Variants in UGT1A7 observed in about 807,000 individuals in gnomAD.
UGT1A7 encodes UDP glucuronosyltransferase family 1 member A7.
A neutral mutation model predicts 45.6 loss-of-function variants in UGT1A7; 33 were observed. The observed-to-expected ratio is 0.72, with a 90% CI of 0.55 to 0.97. The LOEUF is 0.97. Ranked by LOEUF, UGT1A7 falls within the 50% of genes least tolerant of loss-of-function variation. The probability of loss-of-function intolerance (pLI) is 0.00; values close to 1 mark genes in which losing one functional copy is unlikely to be tolerated. For synonymous variants in UGT1A7, 274 were observed against 250.6 expected, an observed-to-expected ratio of 1.09 and a Z score of -0.88; for missense variants, 684 against 666.2, an observed-to-expected ratio of 1.03 and a Z score of -0.29.
At chr2:233,760,854 A>G (rs1484529222) in intron 1 of UGT1A7, 1 of 1,613,796 alleles carries the variant, frequency 6.2e-7, no homozygotes, top group Non-Finnish European at 8.5e-7. Context: ...GCCCCAACCC[A>G]TTCTCCTACG....
In UGT1A7 at chr2:233,766,921, C is replaced by T. The variant is rs6708136; in HGVS notation, c.856-113C>T. 45,255 of 1,558,610 alleles carry T rather than the reference C, an allele frequency of 0.029. 712 individuals are homozygous for T. The highest frequency in any genetic ancestry group is 0.049 in the African/African-American group (3,601 of 72,856). Reference sequence around the variant, plus strand: ...ATAATTTTTTACTCTATCTCAAACACGCATGCCTTTAATCATAGTCTTAAG... The same window carrying T: ...ATAATTTTTTACTCTATCTCAAACATGCATGCCTTTAATCATAGTCTTAAG... On this transcript the variant is annotated intron_variant, in intron 1 of 4. Coordinates refer to ENST00000373426, the MANE Select transcript of UGT1A7 (RefSeq NM_019077.3).
chr2:233,767,880 C>G lies in UGT1A7; in HGVS notation c.1019C>G (p.Ser340Trp), dbSNP rs144978321. Reference sequence around the variant, plus strand: ...TGGCGGTACACTGGAACCCGACCATCGAATCTTGCGAACAACACGATACTT... The same window carrying G: ...TGGCGGTACACTGGAACCCGACCATGGAATCTTGCGAACAACACGATACTT... Reference protein sequence around the residue: ...VLWRYTGTRPSNLANNTILVK... With the variant: ...VLWRYTGTRPWNLANNTILVK... Residue 340 changes from serine to tryptophan, a missense_variant, in exon 3 of 5, where the codon TCG becomes TGG. By Grantham distance (177) the Ser-to-Trp change is radical. Transcript: ENST00000373426. 6.2e-7 allele frequency: 1 copy of G among 1,614,168 alleles called. No individual in the cohort carries two copies. The highest frequency in any genetic ancestry group is 1.7e-5 in the Admixed American group (1 of 60,018).
intron 1 of UGT1A7, chr2:233,713,022 C>T (rs759060249): frequency 2.5e-6 from 4 of 1,613,644 alleles, no homozygotes; most frequent in East Asian, 2.2e-5. Context: ...TCCCCTGCCG[C>T]AGCTGGCCAC....
rs192933567 is a variant in UGT1A7, at chr2:233,772,247, T to G, written c.1296-15T>G. On this transcript the variant is annotated splice_polypyrimidine_tract_variant and intron_variant, in intron 4 of 4. Transcript: ENST00000373426. ...ACAGGTGTTCCAGGCATAACGAAAC[T>G]GTCTTTGTGTTTAGTTACAAGGAGA... The G allele has an allele frequency of 2.9e-5, 47 of 1,614,208 alleles. No homozygotes were observed. The East Asian group carries it at 1.0e-3, about 35-fold the overall frequency.
chr2:233,704,993 G>C (rs973779449), intron 1 of UGT1A7, among the ~76,000 whole-genome samples: 1 of 152,050 alleles, frequency 6.6e-6, no homozygotes, highest in Non-Finnish European at 1.5e-5. Context: ...GAAATTAGCC[G>C]GGTATGGTGG....
intron 1 of UGT1A7, chr2:233,743,484 G>A (rs773869804): frequency 7.3e-7 from 1 of 1,367,080 alleles, no homozygotes; most frequent in Non-Finnish European, 9.8e-7. Flanking sequence ...GAAATTCACT[G>A]AAGGCAGAGA....
At chr2:233,765,664 CA>C (rs970582402) in intron 1 of UGT1A7, among the ~76,000 whole-genome samples, 2 of 151,540 alleles carry the variant, frequency 1.3e-5, no homozygotes, top group African/African-American at 4.9e-5. Context: ...AGCAAACCAC[CA>C]TGGCATATGT....
chr2:233,709,425 C>G (rs1055346708), intron 1 of UGT1A7, among the ~76,000 whole-genome samples: 2 of 152,122 alleles, frequency 1.3e-5, no homozygotes, highest in Admixed American at 6.5e-5. Flanking sequence ...AGAATGTCCT[C>G]CAGAAAGGAT....
At chr2:233,726,222 A>G (rs532622558) in intron 1 of UGT1A7, among the ~76,000 whole-genome samples, 1 of 152,320 alleles carries the variant, frequency 6.6e-6, no homozygotes, top group East Asian at 1.9e-4. Flanking sequence ...TTTAGAAAAC[A>G]TTTTTTAAAA....
At chr2:233,727,849 C>T (rs1182266870) in intron 1 of UGT1A7, among the ~76,000 whole-genome samples, 2 of 152,218 alleles carry the variant, frequency 1.3e-5, no homozygotes, top group Admixed American at 6.5e-5. Flanking sequence ...GGAGTAATTT[C>T]CTCCCTAAGG....
rs548179341 is a variant in UGT1A7 at position 233,739,425 on chromosome 2, G to A, written c.856-27609G>A. ...GCCACCCTCTGAAAGCAGCCAGGACGAGGGCTTTACCCTGCAAAGCCACAG... is the reference window on the plus strand; with the variant it reads ...GCCACCCTCTGAAAGCAGCCAGGACAAGGGCTTTACCCTGCAAAGCCACAG... On this transcript the variant is annotated intron_variant, in intron 1 of 4. Transcript: ENST00000373426. Among the ~76,000 whole-genome samples the A allele has an allele frequency of 5.9e-5, 9 of 152,320 alleles. No individual in the cohort carries two copies. The East Asian group carries it at 7.7e-4, about 13-fold the overall frequency.
intron 1 of UGT1A7, among the ~76,000 whole-genome samples, chr2:233,707,993 G>A (rs993709238): frequency 1.3e-5 from 2 of 152,098 alleles, no homozygotes; most frequent in African/African-American, 2.4e-5. Context: ...TTGTCTACTC[G>A]AATTATGTAT....
chr2:233,719,450 G>T, intron 1 of UGT1A7: 1 of 1,613,868 alleles, frequency 6.2e-7, no homozygotes, highest in Non-Finnish European at 8.5e-7. Flanking sequence ...TCCTGCAAAG[G>T]GTCAAGAACA....
At chr2:233,747,535 A>C in intron 1 of UGT1A7, 1 of 1,605,190 alleles carries the variant, frequency 6.2e-7, no homozygotes. Flanking sequence ...CATTTTCTGA[A>C]GACATTTTCT....
intron 1 of UGT1A7, among the ~76,000 whole-genome samples, chr2:233,758,886 A>G (rs1359605259): frequency 6.6e-6 from 1 of 152,236 alleles, no homozygotes; most frequent in African/African-American, 2.4e-5. Context: ...TCCATGGTCA[A>G]TAAATACAAA....
intron 1 of UGT1A7, chr2:233,743,752 C>T (rs1459474773): frequency 7.3e-7 from 1 of 1,367,268 alleles, no homozygotes. Flanking sequence ...CGTCCGACAA[C>T]ACCTCGTAGG....
intron 1 of UGT1A7, chr2:233,690,923 CA>C (rs1196108099): frequency 2.0e-6 from 2 of 1,021,660 alleles, no homozygotes; most frequent in Non-Finnish European, 2.3e-6. Flanking sequence ...TTCATTTCTT[CA>C]GCTCCTTCCT....
intron 1 of UGT1A7, chr2:233,755,218 C>A (rs1203897935): frequency 2.4e-5 from 25 of 1,027,326 alleles, no homozygotes; most frequent in Non-Finnish European, 3.5e-5. Flanking sequence ...TTCTTGATAC[C>A]CTCGGACGAG....
At chr2:233,743,187 A>G (rs904489240) in intron 1 of UGT1A7, 11 of 373,380 alleles carry the variant, frequency 2.9e-5, no homozygotes, top group Middle Eastern at 3.7e-4. Flanking sequence ...GTGGACTGGA[A>G]TTACTTGGTG....
Sources: gnomAD v4.1 joint callset for allele counts (sites outside exome capture counted in the v4.1 genomes callset) on GRCh38, gnomAD v4.1.1 for gene constraint, MANE v1.5 for transcripts, NCBI Gene and HGNC (gene_info 2026-07-23, HGNC 2026-07-21) for gene names.